DNAI1: variants seen among roughly 807,000 people sequenced by gnomAD.
DNAI1 encodes dynein axonemal intermediate chain 1, also known as dynein, axonemal, intermediate polypeptide 1.
DNAI1 carries 67 observed loss-of-function variants against 92.0 expected under a neutral mutation model. The observed-to-expected ratio is 0.73, with a 90% CI of 0.60 to 0.89. The LOEUF (loss-of-function observed/expected upper bound fraction) is 0.89, where lower values mean the gene tolerates loss of function less well. DNAI1 is among the 40% of genes least tolerant of loss of function. DNAI1 has a pLI of 0.00. For synonymous variants in DNAI1, 323 were observed against 319.6 expected (o/e 1.01, Z -0.11); for missense variants, 839 against 866.6 (o/e 0.97, Z 0.40).
intron 18 of DNAI1, 122 bp from the exon 19 acceptor site, chr9:34,517,157 CCTCCAG>C: frequency 1.0e-6 from 1 of 979,342 alleles, no homozygotes; most frequent in Non-Finnish European, 1.6e-6. Context: ...CCTCCCTCCA[CCTCCAG>C]CTCCAGTGTG....
intron 6 of DNAI1, 105 bp from the exon 7 acceptor site, chr9:34,490,264 C>G (rs761087173): frequency 1.5e-5 from 24 of 1,608,548 alleles, no homozygotes; most frequent in Non-Finnish European, 1.9e-5. Context: ...GGCAGCATCA[C>G]TCTCTCCTAC....
intron 1 of DNAI1, among the ~76,000 whole-genome samples, chr9:34,462,084 G>A (rs1318280301): frequency 6.6e-6 from 1 of 152,174 alleles, no homozygotes; most frequent in Non-Finnish European, 1.5e-5. Context: ...TCCACTAGTC[G>A]CCTTTTAATG....
At chr9:34,513,431 G>A (rs575970759) in intron 16 of DNAI1, among the ~76,000 whole-genome samples, 11 of 152,222 alleles carry the variant, frequency 7.2e-5, no homozygotes, top group African/African-American at 2.4e-4. Flanking sequence ...CTTTTCCTCC[G>A]GGCCCTCCCT....
At chr9:34,518,466 C>T (rs1354625997) in intron 19 of DNAI1, among the ~76,000 whole-genome samples, 1 of 152,138 alleles carries the variant, frequency 6.6e-6, no homozygotes, top group African/African-American at 2.4e-5. Flanking sequence ...AGAGGGTGGA[C>T]TTGGCTATAA....
At chr9:34,496,437 A>G (rs1398767659) in intron 9 of DNAI1, among the ~76,000 whole-genome samples, 1 of 152,184 alleles carries the variant, frequency 6.6e-6, no homozygotes, top group East Asian at 1.9e-4. Flanking sequence ...CAACCTGCCA[A>G]GCACCTCATC....
intron 9 of DNAI1, among the ~76,000 whole-genome samples, chr9:34,494,969 C>A (rs559632662): frequency 1.6e-4 from 25 of 152,270 alleles, no homozygotes; most frequent in African/African-American, 6.0e-4. Context: ...AGAGTGACAC[C>A]CCTTCCTCAA....
intron 4 of DNAI1, among the ~76,000 whole-genome samples, chr9:34,488,828 A>G (rs1824524639): frequency 6.6e-6 from 1 of 152,212 alleles, no homozygotes; most frequent in African/African-American, 2.4e-5. Flanking sequence ...ACAAATGCCA[A>G]CCCATATCTT....
chr9:34,498,250 A>G (rs1383804021), intron 10 of DNAI1, among the ~76,000 whole-genome samples: 4 of 152,176 alleles, frequency 2.6e-5, no homozygotes, highest in Non-Finnish European at 5.9e-5. Context: ...GTGCTATGCA[A>G]TTTACATGTT....
At chr9:34,459,098 G>T (rs1823886009) in intron 1 of DNAI1, 45 bp downstream of exon 1, 1 of 1,562,208 alleles carries the variant, frequency 6.4e-7, no homozygotes, top group East Asian at 2.2e-5. Flanking sequence ...GACCTTCGTC[G>T]TCGCCAGTGA....
chr9:34,465,928 G>A (rs1213864981), intron 1 of DNAI1, among the ~76,000 whole-genome samples: 1 of 152,242 alleles, frequency 6.6e-6, no homozygotes, highest in African/African-American at 2.4e-5. Flanking sequence ...GTCTCACAAC[G>A]CTTTGTCCTA....
At chr9:34,462,887 A>G (rs1389337053) in intron 1 of DNAI1, among the ~76,000 whole-genome samples, 2 of 152,244 alleles carry the variant, frequency 1.3e-5, no homozygotes, top group Admixed American at 6.5e-5. Context: ...TATTGGTGAT[A>G]TAGCAAGAAA....
chr9:34,515,587 T>A (rs1020549068), intron 18 of DNAI1, among the ~76,000 whole-genome samples: 7 of 152,362 alleles, frequency 4.6e-5, no homozygotes, highest in Admixed American at 2.0e-4. Context: ...AACAACCCAG[T>A]GTCCATCAAC....
chr9:34,490,950 G>A (rs1277337038), intron 7 of DNAI1, among the ~76,000 whole-genome samples: 5 of 152,240 alleles, frequency 3.3e-5, no homozygotes, highest in Non-Finnish European at 5.9e-5. Flanking sequence ...AGACTCACAC[G>A]TAAGGGGAGG....
chr9:34,512,768 C>T (rs1360861847), intron 15 of DNAI1, among the ~76,000 whole-genome samples: 2 of 152,206 alleles, frequency 1.3e-5, no homozygotes, highest in Non-Finnish European at 2.9e-5. Flanking sequence ...CAGACTATAT[C>T]CCTGTTGGCA....
At chr9:34,481,468 CTG>C (rs1360859367) in intron 1 of DNAI1, among the ~76,000 whole-genome samples, 1 of 152,204 alleles carries the variant, frequency 6.6e-6, no homozygotes, top group Non-Finnish European at 1.5e-5. Context: ...GCCTCTGAGA[CTG>C]TTTCTGAAAC....
chr9:34,498,139 C>A (rs1824761616), intron 10 of DNAI1, among the ~76,000 whole-genome samples: 1 of 152,140 alleles, frequency 6.6e-6, no homozygotes, highest in African/African-American at 2.4e-5. Flanking sequence ...CTTACCACAC[C>A]TGACCTAGCC....
chr9:34,514,271 G>A (rs1587091749), intron 16 of DNAI1, 123 bp from the exon 17 acceptor site: 1 of 1,333,502 alleles, frequency 7.5e-7, no homozygotes, highest in East Asian at 2.3e-5. Context: ...CTTGGCCCCA[G>A]TTCAGCTGGG....
chr9:34,512,578 T>C (rs960684532), intron 15 of DNAI1, among the ~76,000 whole-genome samples, 154 bp downstream of exon 15: 5 of 152,228 alleles, frequency 3.3e-5, no homozygotes, highest in African/African-American at 1.2e-4. Flanking sequence ...CCCTGTCTGC[T>C]GAACCCTTGG....
At chr9:34,513,266 G>T in intron 16 of DNAI1, 75 bp downstream of exon 16, 1 of 1,163,592 alleles carries the variant, frequency 8.6e-7, no homozygotes, top group Non-Finnish European at 1.3e-6. Context: ...GTTCTCAACA[G>T]ATCCTATTTT....
Sources: gnomAD v4.1 joint callset for allele counts (sites outside exome capture counted in the v4.1 genomes callset) on GRCh38, gnomAD v4.1.1 for gene constraint, MANE v1.5 for transcripts, NCBI Gene and HGNC (gene_info 2026-07-23, HGNC 2026-07-21) for gene names.